The following EPHA4 variants were observed in gnomAD, a reference collection of about 807,000 sequenced individuals.
EPHA4 encodes the protein EPH receptor A4.
In EPHA4, 19 loss-of-function variants were observed where a neutral mutation model predicts 108.3. The observed-to-expected ratio is 0.18, with a 90% CI of 0.12 to 0.26. The LOEUF is 0.26. EPHA4 is among the 10% of genes least tolerant of loss of function. EPHA4 has a pLI of 1.00. For missense variants in EPHA4, 917 were observed against 1,254.0 expected (o/e 0.73, Z 4.06); for synonymous variants, 449 against 455.5 (o/e 0.99, Z 0.18).
Position 221,430,155 on chromosome 2 carries a change from T to C in EPHA4, c.2497-4A>G, listed in dbSNP as rs748100203. 1.6e-5 allele frequency: 25 copies of C among 1,604,432 alleles called. No homozygotes were observed. The East Asian group carries it at 4.0e-4, about 26-fold the overall frequency. ...CTTCCTCAATGGCTTTAATCACCTA[T>C]GGAAGACAACAGGATGGTATGTTAA... On this transcript the variant is annotated splice_polypyrimidine_tract_variant and splice_region_variant and intron_variant, in intron 14 of 17. Coordinates refer to ENST00000281821, the MANE Select transcript of EPHA4 (RefSeq NM_004438.5).
intron 3 of EPHA4, chr2:221,501,462 T>C (rs1405560563): frequency 9.8e-6 from 3 of 307,134 alleles, no homozygotes; most frequent in Admixed American, 4.9e-5. Flanking sequence ...CGCCTTTCTA[T>C]GTGCCAGATA....
intron 4 of EPHA4, among the ~76,000 whole-genome samples, chr2:221,490,204 A>AAAT (rs563197411): frequency 5.6e-4 from 85 of 150,918 alleles, no homozygotes; most frequent in South Asian, 4.2e-3. Context: ...AAGCTAAGCA[A>AAAT]AATAATAATA....
chr2:221,475,158 G>T (rs561902919), intron 5 of EPHA4, among the ~76,000 whole-genome samples: 1 of 152,086 alleles, frequency 6.6e-6, no homozygotes, highest in Non-Finnish European at 1.5e-5. Flanking sequence ...GGCGTGAGCC[G>T]CTGCACCAGG....
intron 5 of EPHA4, among the ~76,000 whole-genome samples, chr2:221,466,266 T>A (rs2106125790): frequency 6.6e-6 from 1 of 152,376 alleles, no homozygotes; most frequent in Non-Finnish European, 1.5e-5. Flanking sequence ...GGTTGAGTTT[T>A]CTTTGTAGAA....
At chr2:221,448,227 GAC>G (rs1465011719) in intron 8 of EPHA4, among the ~76,000 whole-genome samples, 4 of 138,736 alleles carry the variant, frequency 2.9e-5, no homozygotes, top group African/African-American at 1.0e-4. Context: ...TGTAGATGAG[GAC>G]ATGGAGCTGG....
intron 8 of EPHA4, 65 bp from the exon 9 acceptor site, chr2:221,446,246 T>C (rs1690590533): frequency 5.1e-6 from 5 of 989,062 alleles, no homozygotes; most frequent in Non-Finnish European, 7.1e-6. Context: ...ACACATGCCA[T>C]AAGACAAATT....
chr2:221,496,833 C>T (rs1000819257), intron 4 of EPHA4, among the ~76,000 whole-genome samples: 2 of 152,002 alleles, frequency 1.3e-5, no homozygotes, highest in African/African-American at 4.8e-5. Context: ...CACTTGAACC[C>T]AGGAGGCAGA....
At chr2:221,487,995 G>A (rs13026380) in intron 4 of EPHA4, among the ~76,000 whole-genome samples, 63,229 of 151,612 alleles carry the variant, frequency 0.42, 13,235 homozygotes, top group East Asian at 0.53. Context: ...CACAGGGGCC[G>A]GCATAATTTC....
rs564499150 is a variant in EPHA4 at position 221,455,661 on chromosome 2, G to A, written c.1604-3C>T. The A allele has an allele frequency of 3.1e-6, 5 of 1,608,584 alleles. No individual in the cohort carries two copies. Among genetic ancestry groups the A allele is most frequent in the Non-Finnish European group, 4.3e-6 (5 of 1,175,488 alleles). ...ATCTCCAATGATCCGGGAAGGCACT[G>A]GGAATGACAATTGCATAAGGGTCAC... On this transcript the variant is annotated splice_region_variant and splice_polypyrimidine_tract_variant and intron_variant, in intron 7 of 17. Coordinates refer to ENST00000281821, the MANE Select transcript of EPHA4 (RefSeq NM_004438.5).
intron 3 of EPHA4, among the ~76,000 whole-genome samples, chr2:221,551,928 T>G (rs1205262613): frequency 6.6e-6 from 1 of 151,968 alleles, no homozygotes; most frequent in Non-Finnish European, 1.5e-5. Context: ...GAGAGGCAAT[T>G]CTAAAAGAAA....
rs560721180 is a variant in EPHA4, at chr2:221,419,720, G to C, written c.*1652C>G. 6.6e-6 allele frequency: 1 copy of C among 152,576 alleles called. No individual in the cohort carries two copies. Among genetic ancestry groups the C allele is most frequent in the South Asian group, 2.1e-4 (1 of 4,822 alleles). The allele number at this position is 152,576 out of a possible 1,614,324, so 9.5% of individuals were successfully genotyped here. On this transcript the variant is annotated 3_prime_UTR_variant, in exon 18 of 18. Transcript: ENST00000281821. ...TCCAAAGCTGTAGAATTCTTATTAA[G>C]GTTAGTGTGACAGCTACAAAATACA...
chr2:221,456,589 C>CT lies in EPHA4; in HGVS notation c.1603+23dup. 1.9e-6 allele frequency: 3 copies of CT among 1,610,696 alleles called. No homozygotes were observed. In the South Asian group the frequency reaches 3.3e-5, roughly 18 times the overall value. ...ATTATAAAAATAGCCTCAGAAGTGA[C>CT]TGAGTCTGGGTGGTCCTTGTTACCT... On this transcript the variant is annotated intron_variant, in intron 7 of 17. Transcript: ENST00000281821.
At chr2:221,430,254 G>T in intron 14 of EPHA4, 103 bp from the exon 15 acceptor site, 2 of 1,231,042 alleles carry the variant, frequency 1.6e-6, no homozygotes, top group South Asian at 1.5e-5. Context: ...CTGCCAGCAA[G>T]CTGGAGCCTG....
intron 14 of EPHA4, among the ~76,000 whole-genome samples, chr2:221,430,814 A>T (rs573306802): frequency 4.6e-5 from 7 of 152,274 alleles, no homozygotes; most frequent in Admixed American, 3.3e-4. Context: ...AAAAACAATT[A>T]AAAAAATTCC....
rs1490310444 is a variant in EPHA4, at chr2:221,571,511, A to G, written c.91+647T>C. ...GTTCAACTTGCCGGCGGGTTCCCCA[A>G]GTCTGCGGGGCGAAGAGCTCGGGCC... On this transcript the variant is annotated intron_variant, in intron 1 of 17. Coordinates refer to ENST00000281821, the MANE Select transcript of EPHA4 (RefSeq NM_004438.5). This position sits in a 1 kb window ranked among gnomAD's most constrained non-coding sequence, Gnocchi z 6.3. Among the ~76,000 whole-genome samples, 2 of 152,198 alleles carry G rather than the reference A, an allele frequency of 1.3e-5. No individual in the cohort carries two copies. The highest frequency in any genetic ancestry group is 2.9e-5 in the Non-Finnish European group (2 of 68,034).
rs141078565 is a variant in EPHA4, at chr2:221,455,451, C to T, written c.1715+96G>A. On this transcript the variant is annotated intron_variant, in intron 8 of 17. Transcript: ENST00000281821. Reference sequence around the variant, plus strand: ...TGGGATGCAGATGCCAAGTTTATGACGCAATCAAAAGCCTTAGCTTTGTGT... The same window carrying T: ...TGGGATGCAGATGCCAAGTTTATGATGCAATCAAAAGCCTTAGCTTTGTGT... The T allele has an allele frequency of 3.1e-4, 285 of 926,866 alleles. No individual in the cohort carries two copies. The African/African-American group carries it at 3.2e-3, about 10-fold the overall frequency. 57.4% of individuals were successfully genotyped at this position (926,866 alleles called of 1,614,324 possible). A position where few individuals can be genotyped will look rare whatever the true frequency, so the allele number is the denominator to read the frequency against.
At chr2:221,572,371 C>T (rs1042697710), upstream of EPHA4, 10 of 828,240 alleles carry the variant, frequency 1.2e-5, no homozygotes, top group African/African-American at 3.5e-5. Context: ...CGTGAGCCCG[C>T]CAGTCCGGGG....
upstream of EPHA4, chr2:221,572,341 G>C: frequency 1.7e-6 from 2 of 1,183,100 alleles, no homozygotes; most frequent in South Asian, 2.7e-5. Context: ...CATTGCCAAG[G>C]GGGCGGGCCC....
In EPHA4 at chr2:221,456,764, A is replaced by G; in HGVS notation, c.1452T>C (p.Asn484=). The G allele has an allele frequency of 6.2e-7, 1 of 1,613,722 alleles. No homozygotes were observed. Among genetic ancestry groups the G allele is most frequent in the Non-Finnish European group, 8.5e-7 (1 of 1,179,734 alleles). ...YEVKYYEKDQ[N]ERSYRIVRTA... Reference sequence around the variant, plus strand: ...TCCGAACTATACGATAGCTTCGCTCATTCTGATCCTACATCATGGCAAGAT... The same window carrying G: ...TCCGAACTATACGATAGCTTCGCTCGTTCTGATCCTACATCATGGCAAGAT... Residue 484 remains asparagine, a synonymous_variant, in exon 7 of 18, where the codon AAT becomes AAC. Transcript: ENST00000281821.
Sources: allele counts gnomAD v4.1 joint callset (sites outside exome capture counted in the v4.1 genomes callset), GRCh38; gene constraint gnomAD v4.1.1; non-coding constraint Gnocchi (gnomAD v3.1); transcripts MANE v1.5; gene names NCBI Gene and HGNC (gene_info 2026-07-23, HGNC 2026-07-21).